GREB1L: variants seen among roughly 807,000 people sequenced by gnomAD.
The protein encoded by GREB1L is GREB1 like retinoic acid receptor coactivator, also known as GREB1-like protein.
In GREB1L, 17 loss-of-function variants were observed where a neutral mutation model predicts 200.8. That is an observed-to-expected ratio of 0.08 (90% confidence interval 0.06 to 0.13). The LOEUF (loss-of-function observed/expected upper bound fraction) is 0.13. Ranked by LOEUF, GREB1L falls within the 10% of genes least tolerant of loss-of-function variation. The pLI is 1.00. For missense variants in GREB1L, 1,657 were observed against 2,367.7 expected, an observed-to-expected ratio of 0.70 and a Z score of 6.23; for synonymous variants, 789 against 893.0, an observed-to-expected ratio of 0.88 and a Z score of 2.08.
chr18:21,405,790 G>A (rs1327647855), intron 7 of GREB1L, among the ~76,000 whole-genome samples: 1 of 152,036 alleles, frequency 6.6e-6, no homozygotes, highest in Non-Finnish European at 1.5e-5. Flanking sequence ...GATGGAGTGA[G>A]ACTCTGTCGC....
chr18:21,439,716 C>T, intron 8 of GREB1L, 79 bp downstream of exon 8: 1 of 894,500 alleles, frequency 1.1e-6, no homozygotes, highest in Non-Finnish European at 1.8e-6. Context: ...AATGAATTAT[C>T]TGGCAACACA....
chr18:21,260,307 T>A (rs1210768741), intron 1 of GREB1L, among the ~76,000 whole-genome samples: 3 of 151,992 alleles, frequency 2.0e-5, no homozygotes, highest in Non-Finnish European at 2.9e-5. Context: ...ATGTTATTTT[T>A]AAATACATTT....
intron 1 of GREB1L, among the ~76,000 whole-genome samples, chr18:21,362,243 T>A (rs2039591557): frequency 6.6e-6 from 1 of 152,172 alleles, no homozygotes; most frequent in Non-Finnish European, 1.5e-5. Context: ...AATGTTTAAG[T>A]AACTGATATG....
At chr18:21,437,124 T>TC (rs1272023607) in intron 7 of GREB1L, among the ~76,000 whole-genome samples, 1 of 152,162 alleles carries the variant, frequency 6.6e-6, no homozygotes, top group Non-Finnish European at 1.5e-5. Flanking sequence ...AGACAGTGTT[T>TC]CCCCATGTTG....
chr18:21,317,060 G>T (rs777884453), intron 1 of GREB1L, among the ~76,000 whole-genome samples: 1 of 152,054 alleles, frequency 6.6e-6, no homozygotes, highest in Non-Finnish European at 1.5e-5. Flanking sequence ...ATCGCGTCTG[G>T]CCAGGAGTCT....
At chr18:21,415,101 A>G (rs377214073) in intron 7 of GREB1L, among the ~76,000 whole-genome samples, 1 of 152,174 alleles carries the variant, frequency 6.6e-6, no homozygotes, top group East Asian at 1.9e-4. Context: ...TAAGTACCAG[A>G]GGGAAGAGAG....
chr18:21,398,996 T>G (rs1481611707), intron 5 of GREB1L, among the ~76,000 whole-genome samples: 1 of 152,214 alleles, frequency 6.6e-6, no homozygotes, highest in African/African-American at 2.4e-5. Context: ...TCTAACTCTT[T>G]TATGTTGTTA....
At chr18:21,344,183 C>T (rs1453532800) in intron 1 of GREB1L, among the ~76,000 whole-genome samples, 9 of 152,244 alleles carry the variant, frequency 5.9e-5, no homozygotes, top group African/African-American at 1.9e-4. Context: ...GGGCGGATCA[C>T]GAGGTCAGGA....
chr18:21,497,175 G>T (rs1316614475), intron 21 of GREB1L, among the ~76,000 whole-genome samples: 7 of 152,146 alleles, frequency 4.6e-5, no homozygotes, highest in Non-Finnish European at 1.0e-4. Flanking sequence ...GGCTCCTCTG[G>T]GGCCACTGTC....
chr18:21,421,006 A>G (rs931637530), intron 7 of GREB1L, among the ~76,000 whole-genome samples: 1 of 152,206 alleles, frequency 6.6e-6, no homozygotes, highest in African/African-American at 2.4e-5. Flanking sequence ...AAGCCAGACC[A>G]AAAAGAAACA....
intron 1 of GREB1L, among the ~76,000 whole-genome samples, chr18:21,334,931 GTTACAGAAA>G (rs1469774997): frequency 6.6e-6 from 1 of 152,128 alleles, no homozygotes; most frequent in Non-Finnish European, 1.5e-5. Context: ...AATATAGCCA[GTTACAGAAA>G]ATGTTTCTCT....
In GREB1L at chr18:21,441,627, A is replaced by T. The variant is rs1208225426; in HGVS notation, c.1207+90A>T. On this transcript the variant is annotated intron_variant, in intron 10 of 32. Transcript: ENST00000424526. ...TGTGTTTTTTCATGTATTCATGAAG[A>T]TATTCATCCATCTGTTGATTCTGTC... The T allele has an allele frequency of 2.6e-6, 3 of 1,170,672 alleles. No individual in the cohort carries two copies. The African/African-American group carries it at 4.7e-5, about 18-fold the overall frequency. The allele number at this position is 1,170,672 out of a possible 1,614,324, so 72.5% of individuals were successfully genotyped here.
At chr18:21,487,722 TG>T (rs1383309632) in intron 18 of GREB1L, among the ~76,000 whole-genome samples, 1 of 152,058 alleles carries the variant, frequency 6.6e-6, no homozygotes, top group Non-Finnish European at 1.5e-5. Context: ...CAGAGTGGGC[TG>T]GGCGCGGTGG....
At chr18:21,300,021 T>A (rs1264350853) in intron 1 of GREB1L, among the ~76,000 whole-genome samples, 1 of 152,226 alleles carries the variant, frequency 6.6e-6, no homozygotes, top group African/African-American at 2.4e-5. Flanking sequence ...AAAATCTTTT[T>A]AAAGAATTCC....
chr18:21,358,643 T>A (rs1182219061), intron 1 of GREB1L, among the ~76,000 whole-genome samples: 3 of 152,134 alleles, frequency 2.0e-5, no homozygotes, highest in African/African-American at 7.2e-5. Context: ...TCAGCTAAGC[T>A]GTGAGGACAC....
rs2037646242 is a variant in GREB1L at position 21,524,098 on chromosome 18, TGA to T, written c.*1281_*1282del. ...CAGTTCTCATCATTGAACAATCTCT[TGA>T]GAGTTTTCTCATTAGCCCATATTTA... On this transcript the variant is annotated 3_prime_UTR_variant, in exon 33 of 33. Transcript: ENST00000424526. 1.3e-5 allele frequency: 2 copies of T among 152,360 alleles called. No homozygotes were observed. The highest frequency in any genetic ancestry group is 1.9e-4 in the East Asian group (1 of 5,190). 9.4% of individuals were successfully genotyped at this position (152,360 alleles called of 1,614,324 possible).
intron 15 of GREB1L, among the ~76,000 whole-genome samples, chr18:21,459,978 A>G (rs188222591): frequency 1.3e-5 from 2 of 152,128 alleles, no homozygotes; most frequent in East Asian, 3.9e-4. Flanking sequence ...CACAGCCACA[A>G]TGACTGCCCG....
chr18:21,395,220 C>T (rs947718736), intron 4 of GREB1L, among the ~76,000 whole-genome samples, 165 bp from the exon 5 acceptor site: 1 of 151,672 alleles, frequency 6.6e-6, no homozygotes, highest in Admixed American at 6.6e-5. Flanking sequence ...TTCAGAGGGC[C>T]ACACTTGGCA....
chr18:21,472,367 CAG>C (rs1335169218), intron 15 of GREB1L, among the ~76,000 whole-genome samples: 5 of 152,050 alleles, frequency 3.3e-5, no homozygotes, highest in African/African-American at 9.7e-5. Flanking sequence ...TTATTATAGA[CAG>C]AGATAATGAT....
Sources: gnomAD v4.1 joint callset for allele counts (sites outside exome capture counted in the v4.1 genomes callset) on GRCh38, gnomAD v4.1.1 for gene constraint, MANE v1.5 for transcripts, NCBI Gene and HGNC (gene_info 2026-07-23, HGNC 2026-07-21) for gene names.